ERBB4: variants seen among roughly 807,000 people sequenced by gnomAD.
ERBB4 encodes the protein receptor tyrosine-protein kinase erbB-4.
ERBB4 carries 42 observed loss-of-function variants against 158.0 expected under a neutral mutation model. The observed-to-expected ratio is 0.27, with a 90% confidence interval of 0.21 to 0.34. The LOEUF is 0.34. Ranked by LOEUF, ERBB4 falls within the 10% of genes least tolerant of loss-of-function variation. ERBB4 has a pLI of 1.00. For missense variants in ERBB4, 1,333 were observed against 1,624.1 expected, an observed-to-expected ratio of 0.82 and a Z score of 3.08; for synonymous variants, 583 against 558.7, an observed-to-expected ratio of 1.04 and a Z score of -0.61.
chr2:211,613,795 AG>A (rs2069285743), intron 19 of ERBB4, among the ~76,000 whole-genome samples: 1 of 152,082 alleles, frequency 6.6e-6, no homozygotes, highest in Admixed American at 6.6e-5. Flanking sequence ...TGTGAGGAAA[AG>A]GGAACCCTCA....
chr2:212,113,304 G>A (rs780251466), intron 2 of ERBB4, among the ~76,000 whole-genome samples: 3 of 152,024 alleles, frequency 2.0e-5, no homozygotes, highest in Non-Finnish European at 2.9e-5. Context: ...GGCCGGGTGC[G>A]GTGGCTCACG....
intron 12 of ERBB4, among the ~76,000 whole-genome samples, chr2:211,691,098 T>C (rs7426203): frequency 0.67 from 102,549 of 152,008 alleles, 35,632 homozygotes; most frequent in African/African-American, 0.72. Context: ...AATATTGAAA[T>C]GTATTTGGAC....
chr2:212,224,074 G>A (rs980477670), intron 1 of ERBB4, among the ~76,000 whole-genome samples: 3 of 151,680 alleles, frequency 2.0e-5, no homozygotes, highest in Non-Finnish European at 2.9e-5. Context: ...TATATTTATG[G>A]ATCAAAAACT....
At chr2:211,909,264 T>G (rs1297220153) in intron 3 of ERBB4, among the ~76,000 whole-genome samples, 1 of 151,802 alleles carries the variant, frequency 6.6e-6, no homozygotes, top group African/African-American at 2.4e-5. Flanking sequence ...GTTGGATTTA[T>G]GTATTCAATT....
At chr2:211,882,438 TATAG>T (rs2078689083) in intron 3 of ERBB4, among the ~76,000 whole-genome samples, 1 of 152,106 alleles carries the variant, frequency 6.6e-6, no homozygotes, top group African/African-American at 2.4e-5. Context: ...TCCCCTCATA[TATAG>T]AGATAGCTCA....
chr2:212,063,470 C>T (rs928346205), intron 2 of ERBB4, among the ~76,000 whole-genome samples: 16 of 151,948 alleles, frequency 1.1e-4, no homozygotes, highest in Non-Finnish European at 2.4e-4. Flanking sequence ...TCCTACTTCA[C>T]TAAAGGCAAA....
chr2:211,460,157 C>T (rs1418451898), intron 20 of ERBB4, among the ~76,000 whole-genome samples: 2 of 149,740 alleles, frequency 1.3e-5, no homozygotes, highest in Non-Finnish European at 3.0e-5. Context: ...TAAATAATTA[C>T]TTTGCAAAAT....
At chr2:211,914,106 T>G (rs1220027114) in intron 3 of ERBB4, among the ~76,000 whole-genome samples, 1 of 143,940 alleles carries the variant, frequency 6.9e-6, no homozygotes, top group Non-Finnish European at 1.5e-5. Flanking sequence ...GATCAATAAG[T>G]AAACAAGTAT....
chr2:211,793,214 T>C (rs1227458335), intron 3 of ERBB4, among the ~76,000 whole-genome samples: 1 of 151,896 alleles, frequency 6.6e-6, no homozygotes, highest in Non-Finnish European at 1.5e-5. Flanking sequence ...CACTTTAGTC[T>C]ATATGATCGA....
At chr2:211,714,805 T>G (rs73985826) in intron 7 of ERBB4, among the ~76,000 whole-genome samples, 5,303 of 152,228 alleles carry the variant, frequency 0.035, 141 homozygotes, top group South Asian at 0.083. Flanking sequence ...AGCATTCCAT[T>G]GTAAAATTAA....
chr2:212,248,761 G>C (rs1202759324), intron 1 of ERBB4, among the ~76,000 whole-genome samples: 2 of 151,904 alleles, frequency 1.3e-5, no homozygotes, highest in Non-Finnish European at 2.9e-5. Context: ...AACTATTTCA[G>C]CTTTAGATTG....
chr2:211,512,576 TC>T (rs2065909790), intron 20 of ERBB4, among the ~76,000 whole-genome samples: 1 of 152,078 alleles, frequency 6.6e-6, no homozygotes, highest in Non-Finnish European at 1.5e-5. Context: ...TTTGGAACTA[TC>T]TTTGAACATA....
intron 1 of ERBB4, among the ~76,000 whole-genome samples, chr2:212,471,605 C>T (rs1017968285): frequency 6.6e-6 from 1 of 151,822 alleles, no homozygotes; most frequent in African/African-American, 2.4e-5. Context: ...GTGGATAAGA[C>T]CAGATTGTTT....
At chr2:211,536,581 C>A (rs1303919232) in intron 20 of ERBB4, among the ~76,000 whole-genome samples, 4 of 151,832 alleles carry the variant, frequency 2.6e-5, no homozygotes, top group African/African-American at 4.8e-5. Context: ...CAAGGACAGC[C>A]AGAGAGAATA....
chr2:211,923,022 T>C (rs2079911907), intron 3 of ERBB4, among the ~76,000 whole-genome samples: 1 of 152,142 alleles, frequency 6.6e-6, no homozygotes, highest in African/African-American at 2.4e-5. Context: ...TTTGGAGATG[T>C]TAAAATAGAA....
chr2:212,093,911 A>T (rs1452106525), intron 2 of ERBB4, among the ~76,000 whole-genome samples: 1 of 152,214 alleles, frequency 6.6e-6, no homozygotes, highest in Non-Finnish European at 1.5e-5. Context: ...TATGTAAGTT[A>T]TCACGCTGTT....
chr2:211,840,459 A>C (rs2077446105), intron 3 of ERBB4, among the ~76,000 whole-genome samples: 1 of 152,162 alleles, frequency 6.6e-6, no homozygotes, highest in African/African-American at 2.4e-5. Context: ...TGCCCTCAGC[A>C]TATCACAACT....
intron 1 of ERBB4, among the ~76,000 whole-genome samples, chr2:212,129,045 A>G (rs183401727): frequency 6.6e-6 from 1 of 152,200 alleles, no homozygotes; most frequent in East Asian, 1.9e-4. Flanking sequence ...TATGAAATAT[A>G]GATTTTAATT....
chr2:211,910,530 C>T (rs2079516159), intron 3 of ERBB4, among the ~76,000 whole-genome samples: 1 of 151,324 alleles, frequency 6.6e-6, no homozygotes, highest in Non-Finnish European at 1.5e-5. Context: ...ATAATGAGAA[C>T]ACATAGACAC....
Sources: allele counts gnomAD v4.1 joint callset (sites outside exome capture counted in the v4.1 genomes callset), GRCh38; gene constraint gnomAD v4.1.1; transcripts MANE v1.5; gene names NCBI Gene and HGNC (gene_info 2026-07-23, HGNC 2026-07-21).